The following VWC2 variants were observed in gnomAD, a reference collection of about 807,000 sequenced individuals.
VWC2 encodes von Willebrand factor C domain containing 2.
Under a neutral mutation model 29.8 loss-of-function variants are expected in VWC2, and 14 were observed. That is an observed-to-expected ratio of 0.47 (90% CI 0.31 to 0.74). The LOEUF (loss-of-function observed/expected upper bound fraction) is 0.74, where lower values mean the gene tolerates loss of function less well. Among genes scored for constraint, VWC2 ranks in the 30% least tolerant of loss-of-function variants. The probability of loss-of-function intolerance (pLI) is 0.05; values close to 1 mark genes in which losing one functional copy is unlikely to be tolerated. For missense variants in VWC2, 457 were observed against 459.8 expected, an observed-to-expected ratio of 0.99 and a Z score of 0.05; for synonymous variants, 213 against 199.0, an observed-to-expected ratio of 1.07 and a Z score of -0.59.
rs1787983843 is a variant in VWC2, at chr7:49,773,651, T to A, written c.-566T>A. 2 of 152,942 alleles carry A rather than the reference T, an allele frequency of 1.3e-5. No homozygotes were observed. Among genetic ancestry groups the A allele is most frequent in the African/African-American group, 4.8e-5 (2 of 41,446 alleles). 9.5% of individuals were successfully genotyped at this position (152,942 alleles called of 1,614,324 possible). A position where few individuals can be genotyped will look rare whatever the true frequency, so the allele number is the denominator to read the frequency against. On this transcript the variant is annotated 5_prime_UTR_variant, in exon 1 of 4. An upstream start codon of the reference 5' UTR is lost. Transcript: ENST00000340652. ...CGGGAGGCGGGCGCGCTAGCTCCCA[T>A]GCTGGCCTCGGTGCCACTCGCGCGC... is the stretch of plus-strand genomic sequence containing the variant.
At chr7:49,789,271 G>C (rs1400106439) in intron 2 of VWC2, among the ~76,000 whole-genome samples, 1 of 130,682 alleles carries the variant, frequency 7.7e-6, no homozygotes, top group Admixed American at 7.2e-5. Flanking sequence ...GTGTGTGAGC[G>C]GGTGTGTGTG....
At chr7:49,831,045 G>T (rs1312411159) in intron 3 of VWC2, among the ~76,000 whole-genome samples, 2 of 152,120 alleles carry the variant, frequency 1.3e-5, no homozygotes, top group Non-Finnish European at 2.9e-5. Flanking sequence ...AGACATGACT[G>T]TTTTAGCAAG....
intron 3 of VWC2, among the ~76,000 whole-genome samples, chr7:49,881,499 T>G (rs1230118642): frequency 6.6e-6 from 1 of 152,164 alleles, no homozygotes; most frequent in Non-Finnish European, 1.5e-5. Flanking sequence ...ACGTCCTGTC[T>G]CTTTTGACTG....
chr7:49,819,885 C>T (rs573930893), intron 3 of VWC2, among the ~76,000 whole-genome samples: 25 of 152,216 alleles, frequency 1.6e-4, no homozygotes, highest in African/African-American at 3.4e-4. Context: ...TACCTTTAGT[C>T]TTTGTAACAC....
At chr7:49,816,837 T>G (rs1436606058) in intron 3 of VWC2, among the ~76,000 whole-genome samples, 1 of 152,228 alleles carries the variant, frequency 6.6e-6, no homozygotes, top group Non-Finnish European at 1.5e-5. Flanking sequence ...TTGTCTAATT[T>G]GCTTCCCCTC....
intron 3 of VWC2, among the ~76,000 whole-genome samples, chr7:49,885,636 A>G (rs906400879): frequency 6.6e-6 from 1 of 152,236 alleles, no homozygotes; most frequent in Admixed American, 6.5e-5. Context: ...ACCTCCTCTC[A>G]TTTTATTCTG....
At chr7:49,806,182 T>C (rs1788875521) in intron 3 of VWC2, among the ~76,000 whole-genome samples, 1 of 152,124 alleles carries the variant, frequency 6.6e-6, no homozygotes, top group Non-Finnish European at 1.5e-5. Flanking sequence ...ACAGCACCCA[T>C]TCCGATCAAA....
At chr7:49,786,177 C>G (rs1788291116) in intron 2 of VWC2, among the ~76,000 whole-genome samples, 2 of 152,190 alleles carry the variant, frequency 1.3e-5, no homozygotes, top group South Asian at 4.1e-4. Flanking sequence ...TTGTTCCCAT[C>G]TTTGTGTACA....
rs146070834 is a variant in VWC2, at chr7:49,870,347, C to T, written c.827-41687C>T. 5.5e-3 allele frequency among the ~76,000 whole-genome samples: 839 copies of T among 152,148 alleles called. 10 individuals are homozygous for T. The highest frequency in any genetic ancestry group is 0.026 in the South Asian group (123 of 4,808). The stretch of plus-strand genomic sequence containing the variant: ...CCCAGGAGGTGGAGCTTGCAGTGAG[C>T]GAAGATTGCGCCACTGCACTCCACC... On this transcript the variant is annotated intron_variant, in intron 3 of 3. Coordinates refer to ENST00000340652, the MANE Select transcript of VWC2 (RefSeq NM_198570.5).
intron 1 of VWC2, among the ~76,000 whole-genome samples, chr7:49,774,586 C>G (rs919809984): frequency 1.3e-5 from 2 of 152,202 alleles, no homozygotes; most frequent in Non-Finnish European, 2.9e-5. Context: ...GCTTCTGCTC[C>G]GCAGCCAGGA....
At chr7:49,906,839 GT>G (rs1793125100) in intron 3 of VWC2, among the ~76,000 whole-genome samples, 2 of 152,080 alleles carry the variant, frequency 1.3e-5, no homozygotes, top group South Asian at 4.1e-4. Context: ...AACACTTGAT[GT>G]TTTCGTTGGT....
At chr7:49,875,394 A>AAAAAAAAAAAC in intron 3 of VWC2, among the ~76,000 whole-genome samples, 1 of 150,426 alleles carries the variant, frequency 6.6e-6, no homozygotes, top group East Asian at 1.9e-4. Flanking sequence ...AAAAAAAAAA[A>AAAAAAAAAAAC]AAACAGGAAT....
At chr7:49,894,160 T>TTTTC (rs55679567) in intron 3 of VWC2, among the ~76,000 whole-genome samples, 115,379 of 149,992 alleles carry the variant, frequency 0.77, 44,666 homozygotes, top group East Asian at 0.88. Context: ...AGGCTTTTTC[T>TTTTC]TTTCTTTCTT....
At chr7:49,810,838 C>T (rs936028831) in intron 3 of VWC2, among the ~76,000 whole-genome samples, 9 of 152,130 alleles carry the variant, frequency 5.9e-5, no homozygotes, top group African/African-American at 1.9e-4. Flanking sequence ...AACTTAGACC[C>T]TTACTTTACA....
chr7:49,851,348 G>A (rs1790172342), intron 3 of VWC2, among the ~76,000 whole-genome samples: 1 of 152,196 alleles, frequency 6.6e-6, no homozygotes, highest in Admixed American at 6.5e-5. Flanking sequence ...TGGGTTCTCA[G>A]TGGACAGACA....
At chr7:49,900,648 G>C (rs956596788) in intron 3 of VWC2, among the ~76,000 whole-genome samples, 1 of 151,662 alleles carries the variant, frequency 6.6e-6, no homozygotes, top group Non-Finnish European at 1.5e-5. Flanking sequence ...ATATAAAAGA[G>C]ATATAATCAA....
chr7:49,806,590 C>A (rs1295420374), intron 3 of VWC2, among the ~76,000 whole-genome samples: 1 of 152,106 alleles, frequency 6.6e-6, no homozygotes, highest in Non-Finnish European at 1.5e-5. Flanking sequence ...ATTAAACATA[C>A]GTTCATGGGA....
rs1226731845 is a variant in VWC2 at position 49,913,468 on chromosome 7, G to T, written c.*1283G>T. ...TCTTAATAGGTGTAGGATAAAAAAA[G>T]CAAAACTATAATCACTATTAATGTC... On this transcript the variant is annotated 3_prime_UTR_variant, in exon 4 of 4. Coordinates refer to ENST00000340652, the MANE Select transcript of VWC2 (RefSeq NM_198570.5). 1.3e-5 allele frequency: 2 copies of T among 152,104 alleles called. No homozygotes were observed. Among genetic ancestry groups the T allele is most frequent in the Admixed American group, 6.6e-5 (1 of 15,264 alleles). 9.4% of individuals were successfully genotyped at this position (152,104 alleles called of 1,614,324 possible).
intron 3 of VWC2, among the ~76,000 whole-genome samples, chr7:49,875,379 A>AAAAC (rs1791363716): frequency 6.7e-6 from 1 of 148,500 alleles, no homozygotes; most frequent in Non-Finnish European, 1.5e-5. Flanking sequence ...CAAAAAAAAA[A>AAAAC]AAAAAAAAAA....
Sources: gnomAD v4.1 joint callset for allele counts (sites outside exome capture counted in the v4.1 genomes callset) on GRCh38, gnomAD v4.1.1 for gene constraint, MANE v1.5 for transcripts, NCBI Gene and HGNC (gene_info 2026-07-23, HGNC 2026-07-21) for gene names.